Variants in GALNT13 observed in about 807,000 individuals in gnomAD.
GALNT13 encodes polypeptide N-acetylgalactosaminyltransferase 13.
Under a neutral mutation model 64.2 loss-of-function variants are expected in GALNT13, and 28 were observed. The ratio of observed to expected loss-of-function variants is 0.44; its 90% CI spans 0.32 to 0.60. The LOEUF (loss-of-function observed/expected upper bound fraction) is 0.60, where lower values mean the gene tolerates loss of function less well. Ranked by LOEUF, GALNT13 falls within the 20% of genes least tolerant of loss-of-function variation. The pLI is 0.05. For missense variants in GALNT13, 577 were observed against 669.8 expected, an observed-to-expected ratio of 0.86 and a Z score of 1.53; for synonymous variants, 214 against 224.6, an observed-to-expected ratio of 0.95 and a Z score of 0.42.
At chr2:153,897,186 A>T (rs1280064059) in intron 1 of GALNT13, among the ~76,000 whole-genome samples, 1 of 152,166 alleles carries the variant, frequency 6.6e-6, no homozygotes, top group Non-Finnish European at 1.5e-5. Flanking sequence ...TTTTTAATGC[A>T]ATATTCACAA....
At chr2:153,896,813 T>G (rs1460861710) in intron 1 of GALNT13, among the ~76,000 whole-genome samples, 1 of 152,200 alleles carries the variant, frequency 6.6e-6, no homozygotes, top group African/African-American at 2.4e-5. Context: ...GTTTGAATAT[T>G]ATTCTGTAAT....
chr2:154,282,268 T>C (rs1692001359), intron 8 of GALNT13, among the ~76,000 whole-genome samples: 1 of 152,094 alleles, frequency 6.6e-6, no homozygotes, highest in East Asian at 1.9e-4. Context: ...ATTCCCATAT[T>C]TGAGGGGGAA....
chr2:154,252,383 T>C (rs943278534), intron 7 of GALNT13, among the ~76,000 whole-genome samples: 1 of 149,972 alleles, frequency 6.7e-6, no homozygotes, highest in African/African-American at 2.4e-5. Flanking sequence ...TGAGATGGAG[T>C]CTCGCTCTGT....
chr2:153,643,638 A>G, the GALNT13 span, among the ~76,000 whole-genome samples: 1 of 152,000 alleles, frequency 6.6e-6, no homozygotes, highest in East Asian at 1.9e-4. Flanking sequence ...ATCATCTAAT[A>G]ACGGTTAGAA....
chr2:153,584,944 C>T, the GALNT13 span, among the ~76,000 whole-genome samples: 2 of 152,154 alleles, frequency 1.3e-5, no homozygotes, highest in Non-Finnish European at 2.9e-5. Context: ...AAAAAGTCTA[C>T]CCTCACCAAA....
chr2:153,089,866 C>A, the GALNT13 span, among the ~76,000 whole-genome samples: 8 of 151,814 alleles, frequency 5.3e-5, no homozygotes, highest in Non-Finnish European at 7.4e-5. Flanking sequence ...TTTTTAAAGT[C>A]GGTTTTTACC....
At chr2:153,683,952 C>CCAGCTATCACTGTCCTTCAG in the GALNT13 span, among the ~76,000 whole-genome samples, 15 of 151,586 alleles carry the variant, frequency 9.9e-5, no homozygotes, top group African/African-American at 3.6e-4. Context: ...CCTCTCACCT[C>CCAGCTATCACTGTCCTTCAG]CAGCTATCAC....
intron 3 of GALNT13, among the ~76,000 whole-genome samples, chr2:154,012,700 A>G (rs963606100): frequency 2.6e-5 from 4 of 152,060 alleles, no homozygotes; most frequent in African/African-American, 9.7e-5. Flanking sequence ...CTGCCATGTC[A>G]GTGTGTTATA....
the GALNT13 span, among the ~76,000 whole-genome samples, chr2:153,346,536 A>C: frequency 6.6e-6 from 1 of 152,050 alleles, no homozygotes; most frequent in Middle Eastern, 3.2e-3. Context: ...TTAATGAAAG[A>C]TTCTCTTGGT....
the GALNT13 span, among the ~76,000 whole-genome samples, chr2:153,448,411 T>C: frequency 6.6e-6 from 1 of 152,198 alleles, no homozygotes; most frequent in Admixed American, 6.5e-5. Flanking sequence ...GACAAATCTT[T>C]GTTGTCTAGG....
chr2:153,558,053 T>C, the GALNT13 span, among the ~76,000 whole-genome samples: 1 of 152,292 alleles, frequency 6.6e-6, no homozygotes, highest in African/African-American at 2.4e-5. Context: ...CTATTTATAA[T>C]TAGTGTTCAT....
the GALNT13 span, among the ~76,000 whole-genome samples, chr2:153,816,399 G>A: frequency 6.6e-6 from 1 of 152,116 alleles, no homozygotes; most frequent in African/African-American, 2.4e-5. Flanking sequence ...TAAGCAATGA[G>A]AAGTGGTAAG....
chr2:153,549,725 G>A, the GALNT13 span, among the ~76,000 whole-genome samples: 1 of 152,154 alleles, frequency 6.6e-6, no homozygotes, highest in Non-Finnish European at 1.5e-5. Flanking sequence ...GAAAATAAAT[G>A]ATTCTATTAA....
At chr2:153,774,137 G>A in the GALNT13 span, among the ~76,000 whole-genome samples, 1 of 151,662 alleles carries the variant, frequency 6.6e-6, no homozygotes, top group East Asian at 1.9e-4. Context: ...TAGAAACTAT[G>A]GTATATTTAC....
chr2:153,384,902 A>G, the GALNT13 span, among the ~76,000 whole-genome samples: 1 of 152,080 alleles, frequency 6.6e-6, no homozygotes. Flanking sequence ...ATGACTACAG[A>G]GTTTGAAGAA....
At position 154,052,185 on chromosome 2, in the gene GALNT13, TATC is replaced by T. The variant is rs562933560; in HGVS notation, c.143-88147_143-88145del. On this transcript the variant is annotated intron_variant, in intron 3 of 12. Coordinates refer to ENST00000392825, the MANE Select transcript of GALNT13 (RefSeq NM_052917.4). ...ACTTTGTGGTTGTGCTTGTGGCTAA[TATC>T]ATCAGTGCTTGCTATTGTGCCTGTC... is the stretch of plus-strand genomic sequence containing the variant. Among the ~76,000 whole-genome samples, 161 of 152,304 alleles carry T rather than the reference TATC, an allele frequency of 1.1e-3. 1 individual carries two copies. Among genetic ancestry groups the T allele is most frequent in the African/African-American group, 3.5e-3 (144 of 41,558 alleles).
the GALNT13 span, among the ~76,000 whole-genome samples, chr2:153,648,515 G>C: frequency 6.6e-6 from 1 of 152,112 alleles, no homozygotes; most frequent in Non-Finnish European, 1.5e-5. Context: ...GAATAGGAGT[G>C]GTGAGAGAGG....
chr2:154,448,276 A>G (rs1011382177), intron 12 of GALNT13, among the ~76,000 whole-genome samples: 6 of 152,078 alleles, frequency 3.9e-5, no homozygotes, highest in Non-Finnish European at 8.8e-5. Flanking sequence ...CACTTTTACC[A>G]TAAACAATGT....
chr2:154,445,741 G>C, intron 12 of GALNT13: 1 of 1,105,408 alleles, frequency 9.0e-7, no homozygotes, highest in Non-Finnish European at 1.2e-6. Context: ...GAGAGAAGTA[G>C]CTTAATTTTA....
Sources: gnomAD v4.1 joint callset for allele counts (sites outside exome capture counted in the v4.1 genomes callset) on GRCh38, gnomAD v4.1.1 for gene constraint, MANE v1.5 for transcripts, NCBI Gene and HGNC (gene_info 2026-07-23, HGNC 2026-07-21) for gene names.